Variants in CACNG1 observed in about 807,000 individuals in gnomAD.
The protein encoded by CACNG1 is voltage-dependent calcium channel gamma-1 subunit.
In CACNG1, 21 loss-of-function variants were observed where a neutral mutation model predicts 22.0. That is an observed-to-expected ratio of 0.95 (90% CI 0.68 to 1.37). CACNG1 has a LOEUF of 1.37. Among genes scored for constraint, CACNG1 ranks in the 40% most tolerant of loss-of-function variants. The probability of loss-of-function intolerance (pLI) is 0.00; values close to 1 mark genes in which losing one functional copy is unlikely to be tolerated. For missense variants in CACNG1, 291 were observed against 308.6 expected, an observed-to-expected ratio of 0.94 and a Z score of 0.43; for synonymous variants, 127 against 129.2, an observed-to-expected ratio of 0.98 and a Z score of 0.12.
At position 67,044,895 on chromosome 17, in the gene CACNG1, G is replaced by T; in HGVS notation, c.229+6G>T. 1.2e-6 allele frequency: 2 copies of T among 1,605,870 alleles called. No homozygotes were observed. ...GCCCATCACCCTGCCCGGGGGTAAC[G>T]TACCCACCCTCCGTCCCGATCCCCA... On this transcript the variant is annotated splice_donor_region_variant and intron_variant, in intron 1 of 3. Transcript: ENST00000226021. This position sits in a 1 kb window ranked among gnomAD's most constrained non-coding sequence, Gnocchi z 6.9.
chr17:67,053,227 T>G (rs527297701), intron 1 of CACNG1, among the ~76,000 whole-genome samples: 1 of 152,186 alleles, frequency 6.6e-6, no homozygotes, highest in African/African-American at 2.4e-5. Flanking sequence ...CTCGTAGGGG[T>G]TCCATCTGCA....
chr17:67,055,016 C>A lies in CACNG1; in HGVS notation c.305-87C>A. The A allele has an allele frequency of 1.5e-6, 2 of 1,373,122 alleles. No individual in the cohort carries two copies. Among genetic ancestry groups the A allele is most frequent in the Non-Finnish European group, 1.0e-6 (1 of 993,098 alleles). 85.1% of individuals were successfully genotyped at this position (1,373,122 alleles called of 1,614,324 possible). On this transcript the variant is annotated intron_variant, in intron 2 of 3. Transcript: ENST00000226021. The surrounding 1 kb of genome is among the most constrained non-coding windows in gnomAD (Gnocchi z 4.5). ...TGACACACACAGACACTGACACACA[C>A]ACTGTGGTGCATGGTGTGGTCCCTA...
chr17:67,049,858 A>C (rs1432840249), intron 1 of CACNG1, among the ~76,000 whole-genome samples: 1 of 152,202 alleles, frequency 6.6e-6, no homozygotes, highest in Non-Finnish European at 1.5e-5. Context: ...GGTCCCACTT[A>C]GTCTTAAAAT....
chr17:67,053,315 T>C (rs2035738951), intron 1 of CACNG1, among the ~76,000 whole-genome samples: 1 of 152,276 alleles, frequency 6.6e-6, no homozygotes, highest in Admixed American at 6.5e-5. Flanking sequence ...GTTCCCATCC[T>C]GGCTGCACAT....
chr17:67,052,933 C>T (rs1012193092), intron 1 of CACNG1, among the ~76,000 whole-genome samples: 19 of 152,046 alleles, frequency 1.2e-4, no homozygotes, highest in African/African-American at 4.3e-4. Flanking sequence ...AGCCACCACG[C>T]CCGGCCTGTG....
chr17:67,051,252 C>T (rs2035726480), intron 1 of CACNG1, among the ~76,000 whole-genome samples: 1 of 152,074 alleles, frequency 6.6e-6, no homozygotes, highest in African/African-American at 2.4e-5. Context: ...AGGGAAGGGG[C>T]TCATAGTAGG....
rs1053846756 is a variant in CACNG1, at chr17:67,055,657, G to A, written c.443-388G>A. On this transcript the variant is annotated intron_variant, in intron 3 of 3. Coordinates refer to ENST00000226021, the MANE Select transcript of CACNG1 (RefSeq NM_000727.4). This position sits in a 1 kb window ranked among gnomAD's most constrained non-coding sequence, Gnocchi z 4.5. ...TTCCTCCCGCCCCAGCCTCCTAGTAGCTGGGACTACAGACGTGCACCACCA... is the reference window on the plus strand; with the variant it reads ...TTCCTCCCGCCCCAGCCTCCTAGTAACTGGGACTACAGACGTGCACCACCA... Among the ~76,000 whole-genome samples the A allele has an allele frequency of 2.0e-5, 3 of 152,112 alleles. No homozygotes were observed. The highest frequency in any genetic ancestry group is 4.4e-5 in the Non-Finnish European group (3 of 68,028).
Position 67,054,943 on chromosome 17 carries a change from T to A in CACNG1, c.305-160T>A, listed in dbSNP as rs540758432. On this transcript the variant is annotated intron_variant, in intron 2 of 3. Transcript: ENST00000226021. This position sits in a 1 kb window ranked among gnomAD's most constrained non-coding sequence, Gnocchi z 4.6. ...CACACACACAGATACACACATACAA[T>A]GACACACACAAGACAGACACAGAGA... Among the ~76,000 whole-genome samples, 11 of 146,898 alleles carry A rather than the reference T, an allele frequency of 7.5e-5. No individual in the cohort carries two copies. The highest frequency in any genetic ancestry group is 4.4e-4 in the South Asian group (2 of 4,562).
chr17:67,055,613 G>A lies in CACNG1; in HGVS notation c.442+373G>A, dbSNP rs905007946. Among the ~76,000 whole-genome samples, 5 of 152,084 alleles carry A rather than the reference G, an allele frequency of 3.3e-5. No homozygotes were observed. The highest frequency in any genetic ancestry group is 4.8e-5 in the African/African-American group (2 of 41,406). On this transcript the variant is annotated intron_variant, in intron 3 of 3. Transcript: ENST00000226021. This position sits in a 1 kb window ranked among gnomAD's most constrained non-coding sequence, Gnocchi z 4.5. Reference sequence around the variant, plus strand: ...CACAATCACAGCTCACTGCAGCCTCGAACTCCTGGGTTCAAGGGTTCCTCC... The same window carrying A: ...CACAATCACAGCTCACTGCAGCCTCAAACTCCTGGGTTCAAGGGTTCCTCC...
At chr17:67,046,592 C>T (rs2035698639) in intron 1 of CACNG1, among the ~76,000 whole-genome samples, 1 of 152,214 alleles carries the variant, frequency 6.6e-6, no homozygotes, top group African/African-American at 2.4e-5. Flanking sequence ...AGCCCGGATG[C>T]CCATGCCCCT....
intron 1 of CACNG1, among the ~76,000 whole-genome samples, chr17:67,048,017 T>A (rs559971003): frequency 6.6e-6 from 1 of 152,294 alleles, no homozygotes; most frequent in South Asian, 2.1e-4. Context: ...AGGAAATTTA[T>A]AATTGGTCAC....
chr17:67,054,643 T>A lies in CACNG1; in HGVS notation c.305-460T>A, dbSNP rs1252737923. 7.1e-6 allele frequency among the ~76,000 whole-genome samples: 1 copy of A among 141,288 alleles called. No individual in the cohort carries two copies. The highest frequency in any genetic ancestry group is 7.0e-5 in the Admixed American group (1 of 14,302). The allele number at this position is 141,288 out of a possible 152,430, so 92.7% of individuals were successfully genotyped here. On this transcript the variant is annotated intron_variant, in intron 2 of 3. Transcript: ENST00000226021. This position sits in a 1 kb window ranked among gnomAD's most constrained non-coding sequence, Gnocchi z 4.6. ...CACACACAGACACACACAACACAGA[T>A]ACACACACACGACACACACAAGACA...
intron 1 of CACNG1, among the ~76,000 whole-genome samples, chr17:67,045,625 C>T (rs180843072): frequency 6.6e-6 from 1 of 150,464 alleles, no homozygotes; most frequent in East Asian, 2.0e-4. Flanking sequence ...TGGACTCAAG[C>T]GATTCTCCTG....
rs185360332 is a variant in CACNG1 at position 67,049,611 on chromosome 17, C to A, written c.230-4385C>A. 1.4e-3 allele frequency among the ~76,000 whole-genome samples: 208 copies of A among 152,240 alleles called. 4 individuals are homozygous for A. The highest frequency in any genetic ancestry group is 1.7e-3 in the Non-Finnish European group (119 of 68,026). On this transcript the variant is annotated intron_variant, in intron 1 of 3. Coordinates refer to ENST00000226021, the MANE Select transcript of CACNG1 (RefSeq NM_000727.4). ...GTGGGTCTCATTCTACAGGTAGGAA[C>A]AGGGAGGCTGAGCATAGCCTTCCCC...
At chr17:67,046,573 G>A (rs1487442814) in intron 1 of CACNG1, among the ~76,000 whole-genome samples, 3 of 152,188 alleles carry the variant, frequency 2.0e-5, no homozygotes, top group African/African-American at 7.2e-5. Context: ...TGCTTGCAGG[G>A]TATCGCATAG....
intron 1 of CACNG1, among the ~76,000 whole-genome samples, chr17:67,053,610 G>T (rs1307549506): frequency 6.6e-6 from 1 of 152,238 alleles, no homozygotes; most frequent in Non-Finnish European, 1.5e-5. Flanking sequence ...TGTCCCCTGG[G>T]GGGGCAGAAT....
rs551547802 is a variant in CACNG1, at chr17:67,056,636, G to T, written c.*365G>T. The T allele has an allele frequency of 2.9e-4, 70 of 239,214 alleles. No homozygotes were observed. The highest frequency in any genetic ancestry group is 1.4e-3 in the African/African-American group (62 of 44,944). 14.8% of individuals were successfully genotyped at this position (239,214 alleles called of 1,614,324 possible). A position where few individuals can be genotyped will look rare whatever the true frequency, so the allele number is the denominator to read the frequency against. ...TTGCAGGGACAACCTGTGTTTGCCA[G>T]CTGGGTGTTCCGTGTAAATAGCCAG... On this transcript the variant is annotated 3_prime_UTR_variant, in exon 4 of 4. Transcript: ENST00000226021. This position sits in a 1 kb window ranked among gnomAD's most constrained non-coding sequence, Gnocchi z 4.3.
At chr17:67,051,454 G>T (rs2035727645) in intron 1 of CACNG1, among the ~76,000 whole-genome samples, 1 of 152,134 alleles carries the variant, frequency 6.6e-6, no homozygotes, top group Non-Finnish European at 1.5e-5. Flanking sequence ...TCAGGTTCAG[G>T]GCAGGAGACA....
At chr17:67,045,822 C>T (rs2035693801) in intron 1 of CACNG1, among the ~76,000 whole-genome samples, 1 of 152,188 alleles carries the variant, frequency 6.6e-6, no homozygotes, top group Admixed American at 6.5e-5. Flanking sequence ...CATGCCCGAC[C>T]TCCACCTGTC....
Sources: gnomAD v4.1 joint callset for allele counts (sites outside exome capture counted in the v4.1 genomes callset) on GRCh38, gnomAD v4.1.1 for gene constraint, Gnocchi (gnomAD v3.1) non-coding constraint, MANE v1.5 for transcripts, NCBI Gene and HGNC (gene_info 2026-07-23, HGNC 2026-07-21) for gene names.